The following ERGIC1 variants were observed in gnomAD, a reference collection of about 807,000 sequenced individuals.
The protein encoded by ERGIC1 is endoplasmic reticulum-golgi intermediate compartment 1.
A neutral mutation model predicts 38.3 loss-of-function variants in ERGIC1; 19 were observed. That is an observed-to-expected ratio of 0.50 (90% CI 0.35 to 0.73). ERGIC1 has a LOEUF of 0.73. Among genes scored for constraint, ERGIC1 ranks in the 30% least tolerant of loss-of-function variants. ERGIC1 has a pLI of 0.01. For missense variants in ERGIC1, 294 were observed against 389.2 expected (o/e 0.76, Z 2.06); for synonymous variants, 124 against 157.6 (o/e 0.79, Z 1.60).
At chr5:172,857,838 T>G (rs2113079564) in intron 1 of ERGIC1, among the ~76,000 whole-genome samples, 1 of 152,240 alleles carries the variant, frequency 6.6e-6, no homozygotes, top group African/African-American at 2.4e-5. Flanking sequence ...TGCTTTGCCT[T>G]CCTTTTCACT....
intron 1 of ERGIC1, among the ~76,000 whole-genome samples, chr5:172,858,604 C>T (rs1761617359): frequency 6.6e-6 from 1 of 152,214 alleles, no homozygotes; most frequent in South Asian, 2.1e-4. Flanking sequence ...GAGTCCTCTG[C>T]CGGCATCCAG....
At chr5:172,900,039 G>A (rs150305708) in intron 3 of ERGIC1, among the ~76,000 whole-genome samples, 4 of 152,278 alleles carry the variant, frequency 2.6e-5, no homozygotes, top group Non-Finnish European at 4.4e-5. Flanking sequence ...CCCCTCTTCC[G>A]CTTTGAGTTA....
At chr5:172,847,759 C>T (rs6881306) in intron 1 of ERGIC1, among the ~76,000 whole-genome samples, 2,075 of 152,294 alleles carry the variant, frequency 0.014, 25 homozygotes, top group Non-Finnish European at 0.022. Context: ...GTGGTCCACC[C>T]GCCTTGGCCT....
intron 1 of ERGIC1, among the ~76,000 whole-genome samples, chr5:172,878,543 G>T (rs770432693): frequency 1.3e-5 from 2 of 152,138 alleles, no homozygotes; most frequent in Non-Finnish European, 2.9e-5. Flanking sequence ...CGCAAGGGGG[G>T]TAGCAGCAGT....
At chr5:172,853,723 T>C (rs1000872235) in intron 1 of ERGIC1, among the ~76,000 whole-genome samples, 3 of 152,198 alleles carry the variant, frequency 2.0e-5, no homozygotes, top group African/African-American at 7.2e-5. Flanking sequence ...GCCTTGGGCC[T>C]TACAGTTCTG....
chr5:172,923,911 C>G (rs1015873269), intron 5 of ERGIC1, 94 bp from the exon 6 acceptor site: 11 of 1,111,996 alleles, frequency 9.9e-6, no homozygotes, highest in African/African-American at 4.6e-5. Flanking sequence ...CTGCCTGATT[C>G]CAGTGTCCTC....
intron 5 of ERGIC1, chr5:172,920,246 G>A (rs114526848): frequency 0.012 from 8,201 of 705,916 alleles, 84 homozygotes; most frequent in Non-Finnish European, 0.017. Context: ...ATCAAGAGGT[G>A]CTCAAAGAAG....
chr5:172,923,563 C>T (rs1403537638), intron 5 of ERGIC1, among the ~76,000 whole-genome samples: 1 of 152,156 alleles, frequency 6.6e-6, no homozygotes, highest in African/African-American at 2.4e-5. Flanking sequence ...GATCCCCCGT[C>T]TAGGGCACTG....
In ERGIC1 at chr5:172,926,998, A is replaced by C; in HGVS notation, c.541+429A>C. 5.3e-6 allele frequency: 1 copy of C among 188,364 alleles called. No individual in the cohort carries two copies. Among genetic ancestry groups the C allele is most frequent in the Non-Finnish European group, 1.1e-5 (1 of 89,598 alleles). 11.7% of individuals were successfully genotyped at this position (188,364 alleles called of 1,614,324 possible). ...GTGACCACATGGCTGCCTCCCCCAC[A>C]CCTCACTCTCCTCCTGCTCAGACTC... On this transcript the variant is annotated intron_variant, in intron 7 of 9. Coordinates refer to ENST00000393784, the MANE Select transcript of ERGIC1 (RefSeq NM_001031711.3). This position sits in a 1 kb window ranked among gnomAD's most constrained non-coding sequence, Gnocchi z 5.2.
At chr5:172,851,743 C>T (rs1761411948) in intron 1 of ERGIC1, among the ~76,000 whole-genome samples, 1 of 152,076 alleles carries the variant, frequency 6.6e-6, no homozygotes, top group South Asian at 2.1e-4. Flanking sequence ...GTGTGACTGA[C>T]TTAATTCCAT....
chr5:172,923,353 A>C (rs902981073), intron 5 of ERGIC1, among the ~76,000 whole-genome samples: 3 of 136,980 alleles, frequency 2.2e-5, no homozygotes, highest in South Asian at 2.6e-4. Flanking sequence ...TAGTCTAAGC[A>C]TCTGGGAGGA....
chr5:172,859,082 G>A (rs1382349441), intron 1 of ERGIC1, among the ~76,000 whole-genome samples: 1 of 152,180 alleles, frequency 6.6e-6, no homozygotes, highest in Admixed American at 6.5e-5. Context: ...GGAGGGCTCT[G>A]CTCCCCTAAA....
intron 4 of ERGIC1, among the ~76,000 whole-genome samples, chr5:172,909,965 C>T (rs1479076797): frequency 1.3e-5 from 2 of 152,170 alleles, no homozygotes. Context: ...TAGGGGTTAA[C>T]CCTGGAGAGC....
At chr5:172,853,486 C>G (rs1011384020) in intron 1 of ERGIC1, among the ~76,000 whole-genome samples, 2 of 152,264 alleles carry the variant, frequency 1.3e-5, no homozygotes, top group Non-Finnish European at 2.9e-5. Flanking sequence ...TCGATCCCCA[C>G]AGCAGCCCTG....
At chr5:172,894,089 T>G (rs1380809705) in intron 2 of ERGIC1, among the ~76,000 whole-genome samples, 1 of 140,562 alleles carries the variant, frequency 7.1e-6, no homozygotes, top group African/African-American at 2.7e-5. Flanking sequence ...ATTTTTTTCT[T>G]TAAAAAATTT....
intron 2 of ERGIC1, among the ~76,000 whole-genome samples, chr5:172,895,737 G>A (rs894931805): frequency 1.3e-5 from 2 of 152,056 alleles, no homozygotes; most frequent in Non-Finnish European, 2.9e-5. Flanking sequence ...ATGAGTAGGA[G>A]TTCAGCAAGC....
At chr5:172,937,148 A>T (rs889764650) in intron 9 of ERGIC1, 1 of 152,164 alleles carries the variant, frequency 6.6e-6, no homozygotes, top group East Asian at 1.9e-4. Flanking sequence ...ACATAACATA[A>T]AGCAAAAATC....
At position 172,935,272 on chromosome 5, in the gene ERGIC1, A is replaced by C; in HGVS notation, c.727A>C (p.Thr243Pro). ...YDLSPITVKY[T>P]ERRQPLYRFI... ...CCTCAGCCCCATCACGGTCAAGTAC[A>C]CAGAGAGACGGCAGCCGCTGTACAG... Residue 243 changes from threonine (T) to proline (P), a missense_variant, in exon 9 of 10, where the codon ACA (threonine) becomes CCA (proline). Thr to Pro is a conservative substitution (Grantham distance 38). Around this residue, in one of 3 missense-constraint regions of ERGIC1, gnomAD observed 109 missense variants for 112.7 expected, o/e 0.97. Transcript: ENST00000393784. 1 of 1,614,114 alleles carries C rather than the reference A, an allele frequency of 6.2e-7. No individual in the cohort carries two copies. The highest frequency in any genetic ancestry group is 1.3e-5 in the African/African-American group (1 of 75,028).
At chr5:172,854,919 T>C (rs1157531093) in intron 1 of ERGIC1, among the ~76,000 whole-genome samples, 2 of 152,236 alleles carry the variant, frequency 1.3e-5, no homozygotes, top group African/African-American at 4.8e-5. Flanking sequence ...GAAATTGTTT[T>C]TCATCTTCTG....
Sources: allele counts gnomAD v4.1 joint callset (sites outside exome capture counted in the v4.1 genomes callset), GRCh38; gene constraint gnomAD v4.1.1; regional missense constraint gnomAD v4.1.1; non-coding constraint Gnocchi (gnomAD v3.1); transcripts MANE v1.5; gene names NCBI Gene and HGNC (gene_info 2026-07-23, HGNC 2026-07-21).